FRMPD4: variants seen among roughly 807,000 people sequenced by gnomAD.
FRMPD4 encodes FERM and PDZ domain-containing protein 4.
A neutral mutation model predicts 94.1 loss-of-function variants in FRMPD4; 22 were observed. That is an observed-to-expected ratio of 0.23 (90% CI 0.17 to 0.33). The LOEUF (loss-of-function observed/expected upper bound fraction) is 0.33, where lower values mean the gene tolerates loss of function less well. Among genes scored for constraint, FRMPD4 ranks in the 10% least tolerant of loss-of-function variants. The pLI is 1.00. For missense variants in FRMPD4, 1,111 were observed against 1,339.9 expected (o/e 0.83, Z 2.67); for synonymous variants, 631 against 548.6 (o/e 1.15, Z -2.10).
chrX:12,157,924 A>T (rs746214497), intron 1 of FRMPD4, among the ~76,000 whole-genome samples: 4 of 112,264 alleles, frequency 3.6e-5, no homozygotes, highest in Non-Finnish European at 7.5e-5. Context: ...TTACAAGCTT[A>T]TAGAAGATAA....
In FRMPD4 at chrX:12,428,019, C is replaced by T. The variant is rs769687453; in HGVS notation, c.42-70661C>T. Reference sequence around the variant, plus strand: ...CCGCCTCCCGGGTTCACACCATTCTCCTGCCTCAGCCTCCCCAGTAGCTGG... The same window carrying T: ...CCGCCTCCCGGGTTCACACCATTCTTCTGCCTCAGCCTCCCCAGTAGCTGG... On this transcript the variant is annotated intron_variant, in intron 1 of 16. Coordinates refer to ENST00000675598, the MANE Select transcript of FRMPD4 (RefSeq NM_001368397.1). Among the ~76,000 whole-genome samples, 237 of 103,454 alleles carry T rather than the reference C, an allele frequency of 2.3e-3. 2 individuals are homozygous for T. Among genetic ancestry groups the T allele is most frequent in the African/African-American group, 8.0e-3 (222 of 27,667 alleles). 89.8% of individuals were successfully genotyped at this position (103,454 alleles called of 115,157 possible).
At chrX:12,317,401 C>T (rs201241546) in intron 1 of FRMPD4, among the ~76,000 whole-genome samples, 3 of 110,180 alleles carry the variant, frequency 2.7e-5, no homozygotes, top group East Asian at 5.6e-4. Flanking sequence ...GCCTCAAAAG[C>T]GCAGACAGCC....
intron 1 of FRMPD4, among the ~76,000 whole-genome samples, chrX:12,345,590 G>A (rs12009187): frequency 0.016 from 1,818 of 111,394 alleles, 44 homozygotes; most frequent in African/African-American, 0.055. Flanking sequence ...GTTGCTGATT[G>A]TTATTACCCA....
intron 10 of FRMPD4, 56 bp from the exon 11 acceptor site, chrX:12,704,303 C>G: frequency 2.1e-6 from 2 of 970,619 alleles, no homozygotes. Context: ...ACCATTTTGT[C>G]TTAGATAACT....
intron 2 of FRMPD4, among the ~76,000 whole-genome samples, chrX:12,553,448 A>G (rs1410855337): frequency 8.6e-5 from 4 of 46,749 alleles, no homozygotes; most frequent in Non-Finnish European, 2.0e-4. Flanking sequence ...ATATATATAT[A>G]TATATATATA....
chrX:12,383,372 G>A (rs1271910065), intron 1 of FRMPD4, among the ~76,000 whole-genome samples: 2 of 111,678 alleles, frequency 1.8e-5, no homozygotes, highest in Admixed American at 1.9e-4. Context: ...GTGGGGGCAG[G>A]CAGTGCTACT....
Position 12,608,492 on chromosome X carries a change from T to C in FRMPD4, c.159-1229T>C, listed in dbSNP as rs192741096. ...GATTCATTTGAACCACTTGAAAATCTTTCCGGAGAACAAATGCCAAGAGTT... is the reference window on the plus strand; with the variant it reads ...GATTCATTTGAACCACTTGAAAATCCTTCCGGAGAACAAATGCCAAGAGTT... On this transcript the variant is annotated intron_variant, in intron 2 of 16. Coordinates refer to ENST00000675598, the MANE Select transcript of FRMPD4 (RefSeq NM_001368397.1). Among the ~76,000 whole-genome samples, 4 of 112,744 alleles carry C rather than the reference T, an allele frequency of 3.5e-5. No individual in the cohort carries two copies. The Admixed American group carries it at 3.7e-4, about 11-fold the overall frequency.
chrX:11,886,736 T>C (rs1008204679), intron 3 of FRMPD4, among the ~76,000 whole-genome samples: 6 of 69,521 alleles, frequency 8.6e-5, no homozygotes, highest in African/African-American at 2.3e-4. Flanking sequence ...AATCGTGACT[T>C]TTTTTTTTAA....
intron 1 of FRMPD4, among the ~76,000 whole-genome samples, chrX:12,430,476 T>C (rs1046569207): frequency 8.9e-6 from 1 of 112,614 alleles, no homozygotes; most frequent in Non-Finnish European, 1.9e-5. Flanking sequence ...TTATTTATTA[T>C]GAATCTTTGA....
intron 1 of FRMPD4, among the ~76,000 whole-genome samples, chrX:12,181,519 C>A (rs986635330): frequency 1.8e-5 from 2 of 111,534 alleles, no homozygotes; most frequent in Non-Finnish European, 3.8e-5. Flanking sequence ...GTAGAGAAAT[C>A]CCAACCAAAA....
intron 2 of FRMPD4, among the ~76,000 whole-genome samples, chrX:11,875,190 T>C (rs2053776122): frequency 8.9e-6 from 1 of 112,715 alleles, no homozygotes; most frequent in Non-Finnish European, 1.9e-5. Context: ...AAGAATAATA[T>C]AATTTTATGT....
At chrX:11,960,713 T>C (rs1471169532) in intron 3 of FRMPD4, among the ~76,000 whole-genome samples, 1 of 112,180 alleles carries the variant, frequency 8.9e-6, no homozygotes, top group Non-Finnish European at 1.9e-5. Flanking sequence ...ATCTTGATCA[T>C]AACATTTGTC....
intron 3 of FRMPD4, among the ~76,000 whole-genome samples, chrX:12,118,979 G>C (rs2055432539): frequency 9.0e-6 from 1 of 110,928 alleles, no homozygotes; most frequent in Non-Finnish European, 1.9e-5. Flanking sequence ...CATGACCTTA[G>C]AGTTCCCTTC....
intron 3 of FRMPD4, among the ~76,000 whole-genome samples, chrX:12,056,912 A>G (rs2147457169): frequency 8.9e-6 from 1 of 112,192 alleles, no homozygotes; most frequent in East Asian, 2.8e-4. Flanking sequence ...GTCTATTCAA[A>G]TGACTTACAA....
chrX:12,262,465 C>G (rs1005971463), intron 1 of FRMPD4, among the ~76,000 whole-genome samples: 7 of 111,005 alleles, frequency 6.3e-5, no homozygotes, highest in Admixed American at 2.9e-4. Context: ...TTCCCCTTGT[C>G]ATCCTTGTGG....
At chrX:12,086,034 T>A (rs2055106574) in intron 3 of FRMPD4, among the ~76,000 whole-genome samples, 1 of 111,050 alleles carries the variant, frequency 9.0e-6, no homozygotes, top group Non-Finnish European at 1.9e-5. Context: ...AGCATTATAT[T>A]TGAGTATTTT....
chrX:11,906,232 C>T (rs926497454), intron 3 of FRMPD4, among the ~76,000 whole-genome samples: 1 of 109,458 alleles, frequency 9.1e-6, no homozygotes, highest in African/African-American at 3.3e-5. Flanking sequence ...ACTGCAAGCT[C>T]CACCTGCTGG....
intron 3 of FRMPD4, among the ~76,000 whole-genome samples, chrX:12,132,802 T>C: frequency 9.0e-6 from 1 of 110,668 alleles, no homozygotes; most frequent in Middle Eastern, 4.6e-3. Context: ...AGAACAGTTT[T>C]AATGTAGGGT....
chrX:12,646,391 G>A (rs1311631230), intron 4 of FRMPD4, among the ~76,000 whole-genome samples: 1 of 111,803 alleles, frequency 8.9e-6, no homozygotes, highest in Admixed American at 9.5e-5. Flanking sequence ...CTTTGCCATG[G>A]ATAAAGTATC....
Sources: allele counts gnomAD v4.1 joint callset (sites outside exome capture counted in the v4.1 genomes callset), GRCh38; gene constraint gnomAD v4.1.1; transcripts MANE v1.5; gene names NCBI Gene and HGNC (gene_info 2026-07-23, HGNC 2026-07-21).